FCHO2: variants seen among roughly 807,000 people sequenced by gnomAD.
The protein encoded by FCHO2 is FCH and mu domain containing endocytic adaptor 2.
A neutral mutation model predicts 114.1 loss-of-function variants in FCHO2; 43 were observed. The observed-to-expected ratio is 0.38, with a 90% CI of 0.30 to 0.49. The LOEUF is 0.49. Ranked by LOEUF, FCHO2 falls within the 20% of genes least tolerant of loss-of-function variation. The probability of loss-of-function intolerance (pLI) is 0.97; values close to 1 mark genes in which losing one functional copy is unlikely to be tolerated. For missense variants in FCHO2, 807 were observed against 950.4 expected, an observed-to-expected ratio of 0.85 and a Z score of 1.98; for synonymous variants, 293 against 315.2, an observed-to-expected ratio of 0.93 and a Z score of 0.75.
At position 73,039,931 on chromosome 5, in the gene FCHO2, C is replaced by T. The variant is rs190848020; in HGVS notation, c.915-1360C>T. Among the ~76,000 whole-genome samples the T allele has an allele frequency of 3.2e-3, 459 of 142,754 alleles. 3 individuals carry two copies. Among genetic ancestry groups the T allele is most frequent in the African/African-American group, 0.011 (444 of 38,660 alleles). 93.7% of individuals were successfully genotyped at this position (142,754 alleles called of 152,430 possible). A position where few individuals can be genotyped will look rare whatever the true frequency, so the allele number is the denominator to read the frequency against. ...TGGGTGACAGAGTAAGACTCTGTGT[C>T]AGAGAAAAAAAGAAAAAAAAAAAAA... On this transcript the variant is annotated intron_variant, in intron 10 of 25. Transcript: ENST00000430046.
At chr5:73,023,600 T>C (rs1478772784) in intron 8 of FCHO2, among the ~76,000 whole-genome samples, 1 of 151,866 alleles carries the variant, frequency 6.6e-6, no homozygotes, top group East Asian at 1.9e-4. Context: ...CTTGGTAGGC[T>C]GAGGCAGGAG....
At chr5:72,997,481 G>T in intron 5 of FCHO2, 3 of 1,529,092 alleles carry the variant, frequency 2.0e-6, no homozygotes, top group Non-Finnish European at 9.1e-7. Context: ...CTCTCCAGGG[G>T]TTTACAGGAG....
At chr5:72,957,970 T>C (rs1332462063) in intron 1 of FCHO2, among the ~76,000 whole-genome samples, 1 of 152,188 alleles carries the variant, frequency 6.6e-6, no homozygotes, top group African/African-American at 2.4e-5. Context: ...ATATTTTCTT[T>C]GGAGAAATGT....
At chr5:72,957,926 A>T (rs1009230984) in intron 1 of FCHO2, among the ~76,000 whole-genome samples, 1 of 152,216 alleles carries the variant, frequency 6.6e-6, no homozygotes, top group Non-Finnish European at 1.5e-5. Context: ...TTTGATGCTT[A>T]ACATCACAGT....
intron 1 of FCHO2, among the ~76,000 whole-genome samples, chr5:72,956,739 A>T (rs558749450): frequency 6.6e-6 from 1 of 152,238 alleles, no homozygotes; most frequent in East Asian, 1.9e-4. Context: ...GTTGGATTTA[A>T]TGTAACTGGA....
chr5:73,027,472 C>G (rs1756001525), intron 8 of FCHO2, among the ~76,000 whole-genome samples: 2 of 151,092 alleles, frequency 1.3e-5, no homozygotes, highest in Non-Finnish European at 2.9e-5. Context: ...GTGTCAAATA[C>G]AAGAAACGTT....
intron 2 of FCHO2, among the ~76,000 whole-genome samples, chr5:72,982,990 C>T (rs192785747): frequency 1.5e-4 from 23 of 151,774 alleles, no homozygotes; most frequent in Non-Finnish European, 2.8e-4. Context: ...CTCTGCTCAC[C>T]GCAAGCTCCG....
chr5:73,003,400 C>A (rs867969114), intron 5 of FCHO2, among the ~76,000 whole-genome samples: 1 of 152,102 alleles, frequency 6.6e-6, no homozygotes, highest in African/African-American at 2.4e-5. Flanking sequence ...TGGTCTTGAA[C>A]TCCTAGCCTC....
intron 5 of FCHO2, among the ~76,000 whole-genome samples, chr5:73,005,048 C>T (rs1028399404): frequency 1.3e-5 from 2 of 152,090 alleles, no homozygotes; most frequent in African/African-American, 2.4e-5. Flanking sequence ...TTTCTTCTGG[C>T]TCCAAAATCA....
At chr5:73,005,465 TCTCA>T (rs1754665441) in intron 5 of FCHO2, among the ~76,000 whole-genome samples, 1 of 152,164 alleles carries the variant, frequency 6.6e-6, no homozygotes, top group African/African-American at 2.4e-5. Flanking sequence ...CCCTACTGTT[TCTCA>T]CTCATACCAG....
chr5:73,051,687 C>A (rs1041743118), intron 12 of FCHO2, among the ~76,000 whole-genome samples: 31 of 151,970 alleles, frequency 2.0e-4, no homozygotes, highest in African/African-American at 7.2e-4. Context: ...CTGCCTCAGT[C>A]CCCCAAGTAG....
At chr5:73,060,309 T>A (rs1757795375) in intron 17 of FCHO2, among the ~76,000 whole-genome samples, 2 of 151,926 alleles carry the variant, frequency 1.3e-5, no homozygotes. Context: ...TGTTATAAAT[T>A]TTGCCTTTCA....
At chr5:72,974,281 C>T (rs1752738038) in intron 2 of FCHO2, among the ~76,000 whole-genome samples, 8 of 133,538 alleles carry the variant, frequency 6.0e-5, no homozygotes, top group Admixed American at 5.7e-4. Context: ...TCTCGTTGAT[C>T]TTTCTAATGT....
chr5:72,968,034 C>T (rs1025442127), intron 1 of FCHO2, among the ~76,000 whole-genome samples: 1 of 151,912 alleles, frequency 6.6e-6, no homozygotes, highest in Non-Finnish European at 1.5e-5. Flanking sequence ...ACGCCGTTCT[C>T]CTGCCTCGGC....
chr5:72,989,646 A>T (rs1753719458), intron 3 of FCHO2, 145 bp downstream of exon 3: 1 of 576,152 alleles, frequency 1.7e-6, no homozygotes, highest in Non-Finnish European at 3.0e-6. Flanking sequence ...TATATTCTTC[A>T]CTTGATAGAA....
chr5:72,983,310 A>G (rs1001471988), intron 2 of FCHO2, among the ~76,000 whole-genome samples: 1 of 151,958 alleles, frequency 6.6e-6, no homozygotes, highest in Admixed American at 6.6e-5. Context: ...ACACCCATCA[A>G]CCTGTCATCT....
intron 2 of FCHO2, among the ~76,000 whole-genome samples, chr5:72,971,965 C>T (rs1390924150): frequency 1.3e-5 from 2 of 151,420 alleles, no homozygotes; most frequent in East Asian, 3.9e-4. Flanking sequence ...GGAATCCTTT[C>T]CCCATTGCTT....
chr5:72,982,050 G>A (rs1331815011), intron 2 of FCHO2, among the ~76,000 whole-genome samples: 2 of 152,148 alleles, frequency 1.3e-5, no homozygotes, highest in Non-Finnish European at 2.9e-5. Flanking sequence ...GTAGGCACCC[G>A]AGGGAATCTC....
intron 11 of FCHO2, among the ~76,000 whole-genome samples, chr5:73,044,477 C>T (rs1235631745): frequency 6.6e-6 from 1 of 152,058 alleles, no homozygotes; most frequent in Non-Finnish European, 1.5e-5. Context: ...TATTTGTAGC[C>T]TATAAATAAT....
Sources: allele counts gnomAD v4.1 joint callset (sites outside exome capture counted in the v4.1 genomes callset), GRCh38; gene constraint gnomAD v4.1.1; transcripts MANE v1.5; gene names NCBI Gene and HGNC (gene_info 2026-07-23, HGNC 2026-07-21).